NRF1: variants seen among roughly 807,000 people sequenced by gnomAD.
NRF1 encodes the protein alpha palindromic-binding protein.
NRF1 carries 5 observed loss-of-function variants against 58.5 expected under a neutral mutation model. The observed-to-expected ratio is 0.09, with a 90% CI of 0.04 to 0.18. NRF1 has a LOEUF of 0.18. Ranked by LOEUF, NRF1 falls within the 10% of genes least tolerant of loss-of-function variation. The pLI is 1.00. For missense variants in NRF1, 288 were observed against 657.7 expected, an observed-to-expected ratio of 0.44 and a Z score of 6.15; for synonymous variants, 224 against 246.7, an observed-to-expected ratio of 0.91 and a Z score of 0.86.
intron 5 of NRF1, among the ~76,000 whole-genome samples, chr7:129,703,625 A>G (rs1802885833): frequency 6.6e-6 from 1 of 152,224 alleles, no homozygotes; most frequent in Admixed American, 6.5e-5. Context: ...ATTTAAAAGT[A>G]AAAAATACCC....
At chr7:129,718,981 A>T (rs1286326899) in intron 9 of NRF1, among the ~76,000 whole-genome samples, 2 of 152,184 alleles carry the variant, frequency 1.3e-5, no homozygotes, top group African/African-American at 2.4e-5. Flanking sequence ...TTCAAGAATT[A>T]TAGTTATTAT....
chr7:129,679,632 A>G (rs1339278977), intron 4 of NRF1, among the ~76,000 whole-genome samples: 2 of 152,074 alleles, frequency 1.3e-5, no homozygotes, highest in Non-Finnish European at 2.9e-5. Flanking sequence ...CTGAGGCAGA[A>G]GAATCTCTTG....
chr7:129,667,341 G>A (rs1202967071), intron 2 of NRF1, among the ~76,000 whole-genome samples: 4 of 152,172 alleles, frequency 2.6e-5, no homozygotes, highest in Non-Finnish European at 5.9e-5. Flanking sequence ...AGGTTCCAGC[G>A]AGTGCAGTAA....
At chr7:129,627,898 G>A (rs533130022) in intron 1 of NRF1, among the ~76,000 whole-genome samples, 1 of 152,194 alleles carries the variant, frequency 6.6e-6, no homozygotes, top group African/African-American at 2.4e-5. Context: ...TATTTCAAGA[G>A]CCTGGTAAGT....
chr7:129,699,270 G>C (rs1802764690), intron 5 of NRF1, among the ~76,000 whole-genome samples: 1 of 152,170 alleles, frequency 6.6e-6, no homozygotes, highest in Non-Finnish European at 1.5e-5. Context: ...TCAGTTATCT[G>C]CTTAGGTTTT....
At chr7:129,626,849 C>G (rs1800930575) in intron 1 of NRF1, among the ~76,000 whole-genome samples, 1 of 152,184 alleles carries the variant, frequency 6.6e-6, no homozygotes, top group Admixed American at 6.5e-5. Context: ...ATGCTTCTGT[C>G]AAGTGTGAGA....
intron 9 of NRF1, among the ~76,000 whole-genome samples, chr7:129,717,978 C>T (rs982489636): frequency 6.6e-6 from 1 of 152,094 alleles, no homozygotes; most frequent in African/African-American, 2.4e-5. Context: ...AATGTGTTGC[C>T]CTTGCTTATC....
intron 1 of NRF1, among the ~76,000 whole-genome samples, chr7:129,626,901 T>C (rs988908492): frequency 2.0e-5 from 3 of 152,234 alleles, no homozygotes; most frequent in Non-Finnish European, 2.9e-5. Context: ...ATCTAATGAT[T>C]TTCATATCTA....
chr7:129,633,284 A>T (rs917717533), intron 1 of NRF1, among the ~76,000 whole-genome samples: 2 of 152,164 alleles, frequency 1.3e-5, no homozygotes, highest in African/African-American at 4.8e-5. Context: ...GGTTTTAACC[A>T]TTTTTTATGG....
At chr7:129,723,523 T>G (rs1268230570) in intron 9 of NRF1, among the ~76,000 whole-genome samples, 2 of 152,094 alleles carry the variant, frequency 1.3e-5, no homozygotes, top group African/African-American at 4.8e-5. Context: ...ATATTAAAAA[T>G]TAAGGGCCTA....
chr7:129,702,111 T>C (rs1459449663), intron 5 of NRF1, among the ~76,000 whole-genome samples: 4 of 152,282 alleles, frequency 2.6e-5, no homozygotes, highest in African/African-American at 9.6e-5. Context: ...GAGACTGGAT[T>C]GAGGGAGGAT....
chr7:129,624,526 G>GA (rs1800872896), intron 1 of NRF1, among the ~76,000 whole-genome samples: 1 of 152,106 alleles, frequency 6.6e-6, no homozygotes, highest in Admixed American at 6.5e-5. Context: ...AATCATCTAA[G>GA]AAAGCTCTGC....
chr7:129,656,439 A>G (rs769685300), intron 1 of NRF1, among the ~76,000 whole-genome samples: 12 of 151,650 alleles, frequency 7.9e-5, no homozygotes, highest in Non-Finnish European at 1.5e-4. Flanking sequence ...TTCAAAAATA[A>G]TGAACTTCTG....
chr7:129,733,690 T>C (rs1437086655), intron 10 of NRF1, among the ~76,000 whole-genome samples: 1 of 152,216 alleles, frequency 6.6e-6, no homozygotes, highest in Non-Finnish European at 1.5e-5. Flanking sequence ...TTCTCCTTTA[T>C]ATTCTTTTGA....
chr7:129,635,731 C>T (rs73159614), intron 1 of NRF1, among the ~76,000 whole-genome samples: 2,188 of 152,262 alleles, frequency 0.014, 31 homozygotes, highest in Non-Finnish European at 0.023. Flanking sequence ...TCTCCAGTGC[C>T]CCCAAGTGGT....
At position 129,727,362 on chromosome 7, in the gene NRF1, A is replaced by G. The variant is rs1803473113; in HGVS notation, c.1345A>G (p.Asn449Asp). The change falls in exon 10 of 11, where the codon AAT becomes GAT. Residue 449 changes from asparagine to aspartate, a missense_variant. This residue lies in a region of NRF1 where 212 missense variants were observed against 559.7 expected (regional missense o/e 0.38). Coordinates refer to ENST00000393232, the MANE Select transcript of NRF1 (RefSeq NM_005011.5). ...AGCACTTACTGGAGTCCAAGATGCT[A>G]ATGGTAAGAGAGCATAAATATTTTA... ...VGALTGVQDA[N>D]GLVQIPVSMY... 2.5e-6 allele frequency: 4 copies of G among 1,596,934 alleles called. No individual in the cohort carries two copies. The highest frequency in any genetic ancestry group is 2.7e-5 in the African/African-American group (2 of 73,898).
intron 4 of NRF1, among the ~76,000 whole-genome samples, chr7:129,681,624 A>G (rs1802311594): frequency 6.6e-6 from 1 of 152,112 alleles, no homozygotes; most frequent in Non-Finnish European, 1.5e-5. Flanking sequence ...CCCACCTTAG[A>G]GTGTAGTGGC....
Position 129,657,493 on chromosome 7 carries a change from C to G in NRF1, c.142C>G (p.Pro48Ala), listed in dbSNP as rs759934262. 1 of 1,614,076 alleles carries G rather than the reference C, an allele frequency of 6.2e-7. No homozygotes were observed. The highest frequency in any genetic ancestry group is 2.2e-5 in the East Asian group (1 of 44,886). The change falls in exon 2 of 11, where the codon CCC (proline) becomes GCC (alanine). Residue 48 changes from proline to alanine, a missense_variant. Pro to Ala is a conservative substitution (Grantham distance 27). This residue lies in a region of NRF1 where 48 missense variants were observed against 65.5 expected (regional missense o/e 0.73). Coordinates refer to ENST00000393232, the MANE Select transcript of NRF1 (RefSeq NM_005011.5). ...LSADEDSPSS[P>A]EDTSYDDSDI... ...TGCTGATGAAGACTCGCCTTCTTCT[C>G]CCGAGGACACCTCTTACGATGACTC... is the stretch of plus-strand genomic sequence containing the variant.
At chr7:129,683,353 G>T (rs61183623) in intron 4 of NRF1, among the ~76,000 whole-genome samples, 4,086 of 147,618 alleles carry the variant, frequency 0.028, 189 homozygotes, top group African/African-American at 0.095. Context: ...GAGAAAGAGA[G>T]AGACTTGCTC....
Sources: allele counts gnomAD v4.1 joint callset (sites outside exome capture counted in the v4.1 genomes callset), GRCh38; gene constraint gnomAD v4.1.1; regional missense constraint gnomAD v4.1.1; transcripts MANE v1.5; gene names NCBI Gene and HGNC (gene_info 2026-07-23, HGNC 2026-07-21).